The following PSMA6 variants were observed in gnomAD, a reference collection of about 807,000 sequenced individuals.
The protein encoded by PSMA6 is proteasome subunit alpha type-6.
For missense variants in PSMA6, 170 were observed against 294.8 expected, an observed-to-expected ratio of 0.58 and a Z score of 3.10; for synonymous variants, 88 against 97.7, an observed-to-expected ratio of 0.90 and a Z score of 0.59.
At chr14:35,298,255 C>T (rs548786422) in intron 1 of PSMA6, among the ~76,000 whole-genome samples, 4 of 152,104 alleles carry the variant, frequency 2.6e-5, no homozygotes, top group South Asian at 2.1e-4. Context: ...TTTGGGAGGC[C>T]GAGGCAGGTG....
intron 5 of PSMA6, chr14:35,313,727 G>A (rs527677895): frequency 6.6e-6 from 1 of 152,344 alleles, no homozygotes; most frequent in South Asian, 2.1e-4. Flanking sequence ...CACTTTGGGA[G>A]GCAGACAGAT....
chr14:35,280,534 A>G (rs557292432), intron 1 of PSMA6, among the ~76,000 whole-genome samples: 30 of 151,902 alleles, frequency 2.0e-4, no homozygotes, highest in Non-Finnish European at 3.8e-4. Context: ...GGCACGTGCC[A>G]CCATGCCCAC....
chr14:35,309,606 G>A (rs1281156437), intron 3 of PSMA6, among the ~76,000 whole-genome samples: 1 of 152,122 alleles, frequency 6.6e-6, no homozygotes, highest in Non-Finnish European at 1.5e-5. Flanking sequence ...AGCCTGGCCA[G>A]CGTGGTGAAA....
chr14:35,304,897 T>G (rs1267193732), intron 1 of PSMA6, among the ~76,000 whole-genome samples: 1 of 151,848 alleles, frequency 6.6e-6, no homozygotes, highest in East Asian at 1.9e-4. Flanking sequence ...GCCTGAGCAA[T>G]GTAGTGAGAC....
At chr14:35,310,585 T>G (rs1394594785) in intron 3 of PSMA6, among the ~76,000 whole-genome samples, 155 bp from the exon 4 acceptor site, 1 of 152,228 alleles carries the variant, frequency 6.6e-6, no homozygotes, top group African/African-American at 2.4e-5. Flanking sequence ...TGATGAGTTA[T>G]TTAGTATTCA....
chr14:35,300,362 A>G (rs1005757194), intron 1 of PSMA6, among the ~76,000 whole-genome samples: 1 of 151,906 alleles, frequency 6.6e-6, no homozygotes, highest in African/African-American at 2.4e-5. Flanking sequence ...TGTCCCACAT[A>G]CTCTGGAGGC....
At chr14:35,280,372 T>C (rs1318353333) in intron 1 of PSMA6, among the ~76,000 whole-genome samples, 5 of 149,298 alleles carry the variant, frequency 3.3e-5, no homozygotes, top group Admixed American at 3.3e-4. Context: ...GTCTCATTGT[T>C]TCTTTTTTTT....
chr14:35,292,698 CTG>C, intron 1 of PSMA6, 146 bp downstream of exon 1: 5 of 1,414,410 alleles, frequency 3.5e-6, no homozygotes, highest in Admixed American at 2.7e-5. Flanking sequence ...GGATTGAGCT[CTG>C]TGGTGTTTGC....
intron 1 of PSMA6, among the ~76,000 whole-genome samples, chr14:35,303,815 T>G (rs1481851197): frequency 6.6e-6 from 1 of 152,230 alleles, no homozygotes; most frequent in Non-Finnish European, 1.5e-5. Flanking sequence ...ACAGATTTTT[T>G]TCTTGTCATT....
At chr14:35,283,124 G>A (rs539423025) in intron 1 of PSMA6, among the ~76,000 whole-genome samples, 1 of 152,014 alleles carries the variant, frequency 6.6e-6, no homozygotes, top group African/African-American at 2.4e-5. Flanking sequence ...GATTACAGGC[G>A]TGAGCCACCG....
chr14:35,295,263 G>A (rs1566552937), intron 1 of PSMA6, among the ~76,000 whole-genome samples: 2 of 151,468 alleles, frequency 1.3e-5, no homozygotes, highest in Non-Finnish European at 2.9e-5. Flanking sequence ...CTTGAACCTA[G>A]GAGGCAGAGG....
At chr14:35,288,365 G>A (rs2051442582), upstream of PSMA6, among the ~76,000 whole-genome samples, 2 of 152,230 alleles carry the variant, frequency 1.3e-5, no homozygotes, top group Non-Finnish European at 2.9e-5. Flanking sequence ...AGGCGTGGTA[G>A]TGCACACCTG....
chr14:35,285,893 A>G (rs887002609), intron 1 of PSMA6, among the ~76,000 whole-genome samples: 6 of 152,248 alleles, frequency 3.9e-5, no homozygotes, highest in Non-Finnish European at 7.3e-5. Context: ...TGCTTTCCAA[A>G]TTAAGACAGA....
upstream of PSMA6, among the ~76,000 whole-genome samples, chr14:35,287,421 CT>C (rs371888978): frequency 2.0e-5 from 3 of 151,614 alleles, no homozygotes; most frequent in Non-Finnish European, 2.9e-5. Flanking sequence ...AAATAGGCTT[CT>C]TTTTTTTTAT....
upstream of PSMA6, among the ~76,000 whole-genome samples, chr14:35,287,423 T>A (rs1487480530): frequency 6.6e-6 from 1 of 151,960 alleles, no homozygotes; most frequent in Non-Finnish European, 1.5e-5. Context: ...ATAGGCTTCT[T>A]TTTTTTTATT....
At chr14:35,303,587 AGTT>A (rs1267319832) in intron 1 of PSMA6, among the ~76,000 whole-genome samples, 3 of 152,124 alleles carry the variant, frequency 2.0e-5, no homozygotes, top group Non-Finnish European at 4.4e-5. Context: ...GTCTTTAGGT[AGTT>A]GTTGTTTTGT....
chr14:35,282,748 A>G (rs989246195), intron 1 of PSMA6, among the ~76,000 whole-genome samples: 1 of 151,820 alleles, frequency 6.6e-6, no homozygotes, highest in Non-Finnish European at 1.5e-5. Flanking sequence ...TCAGCTACTC[A>G]GGAGGTTGAG....
chr14:35,310,923 A>G (rs751723027), intron 4 of PSMA6, 28 bp downstream of exon 4: 59 of 1,592,210 alleles, frequency 3.7e-5, no homozygotes, highest in Non-Finnish European at 5.1e-5. Context: ...TCTCCCAAAT[A>G]ATTGATGAAT....
chr14:35,310,990 A>G (rs17103184), intron 4 of PSMA6, 95 bp downstream of exon 4: 51,372 of 1,283,050 alleles, frequency 0.04, 1,943 homozygotes, highest in Admixed American at 0.2. Context: ...TGAGTTCTGA[A>G]CATGTGGTTT....
Sources: gnomAD v4.1 joint callset for allele counts (sites outside exome capture counted in the v4.1 genomes callset) on GRCh38, gnomAD v4.1.1 for gene constraint, MANE v1.5 for transcripts, NCBI Gene and HGNC (gene_info 2026-07-23, HGNC 2026-07-21) for gene names.